Variants in ADAM10 observed in about 807,000 individuals in gnomAD.
ADAM10 encodes the protein disintegrin and metalloproteinase domain-containing protein 10.
In ADAM10, 17 loss-of-function variants were observed where a neutral mutation model predicts 90.1. The observed-to-expected ratio is 0.19, with a 90% confidence interval of 0.13 to 0.28. ADAM10 has a LOEUF of 0.28. Among genes scored for constraint, ADAM10 ranks in the 10% least tolerant of loss-of-function variants. The probability of loss-of-function intolerance (pLI) is 1.00; values close to 1 mark genes in which losing one functional copy is unlikely to be tolerated. For missense variants in ADAM10, 610 were observed against 914.3 expected (o/e 0.67, Z 4.29); for synonymous variants, 310 against 298.6 (o/e 1.04, Z -0.40).
intron 14 of ADAM10, among the ~76,000 whole-genome samples, chr15:58,604,059 T>C (rs1030236797): frequency 1.3e-5 from 2 of 152,176 alleles, no homozygotes; most frequent in African/African-American, 4.8e-5. Context: ...CTACTTCTAC[T>C]AATTCTTAAG....
intron 2 of ADAM10, chr15:58,698,417 A>AAAG: frequency 3.0e-6 from 1 of 336,928 alleles, no homozygotes; most frequent in East Asian, 9.9e-5. Flanking sequence ...AAAAAAAAAA[A>AAAG]AAAAAAAAAT....
chr15:58,726,223 T>C (rs746572027), intron 1 of ADAM10, among the ~76,000 whole-genome samples: 5 of 152,178 alleles, frequency 3.3e-5, no homozygotes, highest in South Asian at 2.1e-4. Flanking sequence ...TGATAAGTTA[T>C]AGATATTGTA....
intron 14 of ADAM10, among the ~76,000 whole-genome samples, chr15:58,601,419 C>T (rs1216113915): frequency 6.6e-6 from 1 of 152,084 alleles, no homozygotes; most frequent in Non-Finnish European, 1.5e-5. Context: ...CGAGATTGTG[C>T]CACTGCACTC....
chr15:58,640,947 G>A lies in ADAM10; in HGVS notation c.842C>T (p.Ala281Val), dbSNP rs1896402102. ...MVKRIRINTT[A>V]DEKDPTNPFR... Reference sequence around the variant, plus strand: ...AGGATTTGTAGGGTCCTTCTCATCAGCAGTTGTATTGATCTAAAATCCAAA... The same window carrying A: ...AGGATTTGTAGGGTCCTTCTCATCAACAGTTGTATTGATCTAAAATCCAAA... Residue 281 changes from alanine to valine, a missense_variant, in exon 8 of 16, where the codon GCT (alanine) becomes GTT (valine). Ala to Val is a moderately conservative substitution (Grantham distance 64). Around this residue, in one of 4 missense-constraint regions of ADAM10, gnomAD observed 310 missense variants for 362.4 expected, o/e 0.86. Transcript: ENST00000260408. 1.2e-5 allele frequency: 20 copies of A among 1,613,872 alleles called. No individual in the cohort carries two copies. The highest frequency in any genetic ancestry group is 1.6e-5 in the Non-Finnish European group (19 of 1,179,772).
In ADAM10 at chr15:58,719,175, C is replaced by T. The variant is rs528145736; in HGVS notation, c.56-1448G>A. On this transcript the variant is annotated intron_variant, in intron 1 of 15. Transcript: ENST00000260408. ...CCTATCTCTACTAAAAATACAAAAACTAGCTGGGTGTGGTGGTGGCTGCAT... is the reference window on the plus strand; with the variant it reads ...CCTATCTCTACTAAAAATACAAAAATTAGCTGGGTGTGGTGGTGGCTGCAT... Among the ~76,000 whole-genome samples the T allele has an allele frequency of 1.1e-4, 16 of 152,030 alleles. No individual in the cohort carries two copies. In the South Asian group the frequency reaches 2.7e-3, roughly 26 times the overall value.
At position 58,597,425 on chromosome 15, in the gene ADAM10, C is replaced by A. The variant is rs772565323; in HGVS notation, c.*122G>T. 3 of 1,566,084 alleles carry A rather than the reference C, an allele frequency of 1.9e-6. No homozygotes were observed. The Admixed American group carries it at 5.8e-5, about 30-fold the overall frequency. Reference sequence around the variant, plus strand: ...CCTGGTCTGAGGATATGATCTCTTGCCATTTTTTCTTCAACTGTTACTTGT... The same window carrying A: ...CCTGGTCTGAGGATATGATCTCTTGACATTTTTTCTTCAACTGTTACTTGT... On this transcript the variant is annotated 3_prime_UTR_variant, in exon 16 of 16. Transcript: ENST00000260408.
intron 2 of ADAM10, among the ~76,000 whole-genome samples, chr15:58,704,334 T>G (rs1488966057): frequency 5.9e-5 from 9 of 152,170 alleles, no homozygotes; most frequent in African/African-American, 2.2e-4. Flanking sequence ...AGTCACTGTT[T>G]AATGAGTACA....
intron 11 of ADAM10, among the ~76,000 whole-genome samples, chr15:58,615,532 G>A (rs183019821): frequency 9.2e-5 from 14 of 152,034 alleles, no homozygotes; most frequent in Admixed American, 3.9e-4. Flanking sequence ...CAAAACTCCC[G>A]GCTCGGCCTC....
At chr15:58,619,786 C>A (rs185901539) in intron 11 of ADAM10, among the ~76,000 whole-genome samples, 1 of 152,158 alleles carries the variant, frequency 6.6e-6, no homozygotes, top group Non-Finnish European at 1.5e-5. Context: ...CGCCTGTAGT[C>A]CCAGCTACTT....
In ADAM10 at chr15:58,590,888, A is replaced by G. The variant is rs1180934244; in HGVS notation, c.*6659T>C. The G allele has an allele frequency of 1.3e-5, 2 of 152,224 alleles. No homozygotes were observed. The highest frequency in any genetic ancestry group is 2.4e-5 in the African/African-American group (1 of 41,464). The allele number at this position is 152,224 out of a possible 1,614,324, so 9.4% of individuals were successfully genotyped here. A position where few individuals can be genotyped will look rare whatever the true frequency, so the allele number is the denominator to read the frequency against. On this transcript the variant is annotated 3_prime_UTR_variant, in exon 16 of 16. Coordinates refer to ENST00000260408, the MANE Select transcript of ADAM10 (RefSeq NM_001110.4). ...TTTATATAAGACAACCTACACTCTT[A>G]TCAAATTATTCTCATTTTTTTACAC...
At chr15:58,681,710 TGCA>T (rs1288657107) in intron 3 of ADAM10, among the ~76,000 whole-genome samples, 1 of 152,218 alleles carries the variant, frequency 6.6e-6, no homozygotes, top group Non-Finnish European at 1.5e-5. Flanking sequence ...TTCAATTTGA[TGCA>T]GCAAGAGAAA....
chr15:58,701,280 G>A (rs1595634450), intron 2 of ADAM10, among the ~76,000 whole-genome samples: 2 of 152,148 alleles, frequency 1.3e-5, no homozygotes, highest in Admixed American at 6.5e-5. Context: ...CAAAGGACAT[G>A]AACAGACATT....
chr15:58,595,402 ATCG>A lies in ADAM10; in HGVS notation c.*2142_*2144del, dbSNP rs1894924882. On this transcript the variant is annotated 3_prime_UTR_variant, in exon 16 of 16. Transcript: ENST00000260408. ...AGTATAGAACCTTCAAGTTGATTTA[ATCG>A]TCTATTTATTAATGCATTTCAAGTT... 6.6e-6 allele frequency: 1 copy of A among 152,158 alleles called. No homozygotes were observed. The highest frequency in any genetic ancestry group is 1.5e-5 in the Non-Finnish European group (1 of 67,990). The allele number at this position is 152,158 out of a possible 1,614,324, so 9.4% of individuals were successfully genotyped here. A position where few individuals can be genotyped will look rare whatever the true frequency, so the allele number is the denominator to read the frequency against.
Position 58,717,718 on chromosome 15 carries a change from C to T in ADAM10, c.65G>A (p.Gly22Glu), listed in dbSNP as rs1268270565. 1.2e-6 allele frequency: 2 copies of T among 1,611,550 alleles called. No individual in the cohort carries two copies. The highest frequency in any genetic ancestry group is 1.7e-6 in the Non-Finnish European group (2 of 1,179,254). Residue 22 changes from glycine (G) to glutamate (E), a missense_variant, in exon 2 of 16, where the codon GGG (glycine) becomes GAG (glutamate). Gly to Glu is a moderately conservative substitution (Grantham distance 98). Coordinates refer to ENST00000260408, the MANE Select transcript of ADAM10 (RefSeq NM_001110.4). ...TCTGATATATTTATTTAAAGGATTCCCATACTGACCTATAAAAAAAAAACA... is the reference window on the plus strand; with the variant it reads ...TCTGATATATTTATTTAAAGGATTCTCATACTGACCTATAAAAAAAAAACA... ...SWAAGMGGQY[G>E]NPLNKYIRHY...
intron 2 of ADAM10, among the ~76,000 whole-genome samples, chr15:58,696,771 G>A (rs374270838): frequency 2.6e-5 from 4 of 151,994 alleles, no homozygotes; most frequent in South Asian, 2.1e-4. Context: ...GGCCAATATC[G>A]ATTTCATAAT....
chr15:58,716,839 A>G (rs1407352858), intron 2 of ADAM10, among the ~76,000 whole-genome samples: 5 of 152,160 alleles, frequency 3.3e-5, no homozygotes, highest in African/African-American at 9.6e-5. Context: ...ATAATTACAC[A>G]TAAGACAGAG....
chr15:58,614,871 T>C (rs1321928200), intron 11 of ADAM10, among the ~76,000 whole-genome samples: 3 of 152,152 alleles, frequency 2.0e-5, no homozygotes, highest in African/African-American at 7.2e-5. Context: ...GCCACTGTGA[T>C]ATACAAATGA....
intron 5 of ADAM10, among the ~76,000 whole-genome samples, chr15:58,659,811 C>T (rs1167813000): frequency 1.3e-5 from 2 of 152,194 alleles, no homozygotes; most frequent in Non-Finnish European, 2.9e-5. Context: ...TCACTGCAAG[C>T]TCCGCCTCCT....
intron 1 of ADAM10, among the ~76,000 whole-genome samples, chr15:58,729,751 G>A (rs1421490593): frequency 6.6e-6 from 1 of 152,116 alleles, no homozygotes; most frequent in Non-Finnish European, 1.5e-5. Context: ...ATCACTTGAG[G>A]TCAGGAGTTT....
Sources: allele counts gnomAD v4.1 joint callset (sites outside exome capture counted in the v4.1 genomes callset), GRCh38; gene constraint gnomAD v4.1.1; regional missense constraint gnomAD v4.1.1; transcripts MANE v1.5; gene names NCBI Gene and HGNC (gene_info 2026-07-23, HGNC 2026-07-21).